SHISA9: variants seen among roughly 807,000 people sequenced by gnomAD.
The protein encoded by SHISA9 is shisa family member 9.
Under a neutral mutation model 38.0 loss-of-function variants are expected in SHISA9, and 13 were observed. The observed-to-expected ratio is 0.34, with a 90% CI of 0.22 to 0.54. The LOEUF (loss-of-function observed/expected upper bound fraction) is 0.54, where lower values mean the gene tolerates loss of function less well. Ranked by LOEUF, SHISA9 falls within the 20% of genes least tolerant of loss-of-function variation. The pLI is 0.91. For missense variants in SHISA9, 538 were observed against 575.8 expected, an observed-to-expected ratio of 0.93 and a Z score of 0.67; for synonymous variants, 275 against 242.0, an observed-to-expected ratio of 1.14 and a Z score of -1.27.
At chr16:13,122,108 C>A (rs915293656) in intron 2 of SHISA9, among the ~76,000 whole-genome samples, 1 of 152,180 alleles carries the variant, frequency 6.6e-6, no homozygotes, top group Admixed American at 6.5e-5. Flanking sequence ...GTCGGGGGAT[C>A]TAGCACATGC....
At chr16:12,902,788 C>A (rs2071037316) in intron 1 of SHISA9, 161 bp downstream of exon 1, 1 of 700,154 alleles carries the variant, frequency 1.4e-6, no homozygotes, top group Non-Finnish European at 2.3e-6. Flanking sequence ...GCTTGGAACA[C>A]GGAGAAGGGG....
chr16:13,047,571 C>T (rs563410516), intron 2 of SHISA9, among the ~76,000 whole-genome samples: 3 of 152,192 alleles, frequency 2.0e-5, no homozygotes, highest in African/African-American at 4.8e-5. Flanking sequence ...TGGTTGCTTT[C>T]GGGAGGGTGC....
At chr16:12,972,041 T>TGTGTG (rs2072090710) in intron 2 of SHISA9, among the ~76,000 whole-genome samples, 8 of 142,042 alleles carry the variant, frequency 5.6e-5, no homozygotes, top group East Asian at 4.2e-4. Flanking sequence ...CTCTTGGAGT[T>TGTGTG]TGTGTGTGTG....
the SHISA9 span, among the ~76,000 whole-genome samples, chr16:13,259,306 G>A: frequency 1.3e-5 from 2 of 152,156 alleles, no homozygotes; most frequent in Non-Finnish European, 2.9e-5. Context: ...GGGCAGCTTT[G>A]CCCCTGTGGC....
the SHISA9 span, among the ~76,000 whole-genome samples, chr16:13,367,699 C>T: frequency 3.6e-4 from 20 of 55,536 alleles, no homozygotes; most frequent in East Asian, 1.2e-3. Context: ...CGTGTGCGTG[C>T]GCGCGCGCGC....
In SHISA9 at chr16:13,070,157, C is replaced by CTGTGT. The variant is rs1555459120; in HGVS notation, c.692-133237_692-133236insTGTGT. On this transcript the variant is annotated intron_variant, in intron 2 of 4. Coordinates refer to ENST00000558583, the MANE Select transcript of SHISA9 (RefSeq NM_001145204.3). Reference sequence around the variant, plus strand: ...GTGTGTGTGTGTGTGTGTGTGTGCACGCATGTGTCTGTGGAAACTGCCAAA... The same window carrying CTGTGT: ...GTGTGTGTGTGTGTGTGTGTGTGCACTGTGTGCATGTGTCTGTGGAAACTGCCAAA... Among the ~76,000 whole-genome samples the CTGTGT allele has an allele frequency of 7.0e-3, 943 of 134,772 alleles. 10 individuals are homozygous for CTGTGT. Among genetic ancestry groups the CTGTGT allele is most frequent in the African/African-American group, 0.024 (887 of 36,508 alleles). The allele number at this position is 134,772 out of a possible 152,430, so 88.4% of individuals were successfully genotyped here. A position where few individuals can be genotyped will look rare whatever the true frequency, so the allele number is the denominator to read the frequency against.
At chr16:13,391,415 C>T in the SHISA9 span, among the ~76,000 whole-genome samples, 2 of 152,134 alleles carry the variant, frequency 1.3e-5, no homozygotes, top group African/African-American at 4.8e-5. Context: ...AAAGGGAAAA[C>T]AAGGCACTTG....
At chr16:13,558,426 C>T in the SHISA9 span, among the ~76,000 whole-genome samples, 1 of 152,164 alleles carries the variant, frequency 6.6e-6, no homozygotes, top group Non-Finnish European at 1.5e-5. Context: ...TCCCAATTAG[C>T]CAATCCTGAG....
At chr16:12,918,883 T>C (rs2071292366) in intron 2 of SHISA9, among the ~76,000 whole-genome samples, 1 of 152,198 alleles carries the variant, frequency 6.6e-6, no homozygotes, top group South Asian at 2.1e-4. Flanking sequence ...CCTAGCATTG[T>C]TGGGAATATC....
At chr16:13,512,107 A>G in the SHISA9 span, among the ~76,000 whole-genome samples, 2 of 152,188 alleles carry the variant, frequency 1.3e-5, no homozygotes, top group East Asian at 3.8e-4. Flanking sequence ...GCAAGCCTCA[A>G]AAGATTAAAG....
the SHISA9 span, among the ~76,000 whole-genome samples, chr16:13,376,236 A>C: frequency 1.3e-5 from 2 of 152,246 alleles, no homozygotes; most frequent in Non-Finnish European, 2.9e-5. Flanking sequence ...CAAATGTATA[A>C]TCCTCCCTTA....
the SHISA9 span, among the ~76,000 whole-genome samples, chr16:13,434,419 G>GTTTTTGTTTTTTTTTTTT: frequency 3.1e-5 from 2 of 64,566 alleles, no homozygotes; most frequent in African/African-American, 5.4e-5. Context: ...GACAAGCTAT[G>GTTTTTGTTTTTTTTTTTT]TTTTTTTTTT....
intron 2 of SHISA9, among the ~76,000 whole-genome samples, chr16:13,009,457 T>C (rs2072643066): frequency 6.6e-6 from 1 of 152,202 alleles, no homozygotes; most frequent in Non-Finnish European, 1.5e-5. Flanking sequence ...GTCTCCGTTC[T>C]GGAACTATAT....
chr16:13,323,046 AG>A, the SHISA9 span, among the ~76,000 whole-genome samples: 1 of 152,198 alleles, frequency 6.6e-6, no homozygotes, highest in African/African-American at 2.4e-5. Context: ...CTTAAGAGTC[AG>A]GTTGTTTAGG....
chr16:13,558,202 G>A, the SHISA9 span, among the ~76,000 whole-genome samples: 13 of 152,176 alleles, frequency 8.5e-5, no homozygotes, highest in Non-Finnish European at 1.8e-4. Context: ...CTCTCTCTGG[G>A]TTTTAGCTTC....
intron 2 of SHISA9, among the ~76,000 whole-genome samples, chr16:12,949,709 C>A (rs1366559750): frequency 6.6e-6 from 1 of 152,008 alleles, no homozygotes; most frequent in African/African-American, 2.4e-5. Flanking sequence ...AAATTAAGTT[C>A]ACTTATTTTT....
At chr16:13,037,663 A>G (rs2073090646) in intron 2 of SHISA9, among the ~76,000 whole-genome samples, 1 of 151,708 alleles carries the variant, frequency 6.6e-6, no homozygotes, top group Admixed American at 6.6e-5. Flanking sequence ...CATGGTTTAA[A>G]CTCTCCTTTC....
the SHISA9 span, among the ~76,000 whole-genome samples, chr16:13,404,355 G>T: frequency 6.6e-6 from 1 of 152,204 alleles, no homozygotes; most frequent in Admixed American, 6.5e-5. Flanking sequence ...AGTTTTCAAT[G>T]CTTTGAAGTC....
intron 2 of SHISA9, among the ~76,000 whole-genome samples, chr16:13,109,360 C>T (rs777646000): frequency 1.3e-5 from 2 of 152,136 alleles, no homozygotes; most frequent in Non-Finnish European, 2.9e-5. Context: ...GTAGGCCCAA[C>T]TTGGCTTATT....
Sources: allele counts gnomAD v4.1 joint callset (sites outside exome capture counted in the v4.1 genomes callset), GRCh38; gene constraint gnomAD v4.1.1; transcripts MANE v1.5; gene names NCBI Gene and HGNC (gene_info 2026-07-23, HGNC 2026-07-21).